SLC43A2: variants seen among roughly 807,000 people sequenced by gnomAD.
The protein encoded by SLC43A2 is solute carrier family 43 member 2.
SLC43A2 carries 38 observed loss-of-function variants against 63.2 expected under a neutral mutation model. The observed-to-expected ratio is 0.60, with a 90% CI of 0.46 to 0.79. SLC43A2 has a LOEUF of 0.79. Ranked by LOEUF, SLC43A2 falls within the 30% of genes least tolerant of loss-of-function variation. The pLI is 0.00. For missense variants in SLC43A2, 644 were observed against 756.2 expected, an observed-to-expected ratio of 0.85 and a Z score of 1.74; for synonymous variants, 322 against 331.0, an observed-to-expected ratio of 0.97 and a Z score of 0.30.
At chr17:1,584,070 G>GTAT (rs2076062344) in intron 10 of SLC43A2, among the ~76,000 whole-genome samples, 1 of 151,562 alleles carries the variant, frequency 6.6e-6, no homozygotes, top group Non-Finnish European at 1.5e-5. Context: ...TAATTTTTGC[G>GTAT]TTTTTGTAGA....
rs527875926 is a variant in SLC43A2, at chr17:1,605,446, G to A, written c.501+7749C>T. Among the ~76,000 whole-genome samples, 11 of 152,320 alleles carry A rather than the reference G, an allele frequency of 7.2e-5. No homozygotes were observed. The South Asian group carries it at 2.3e-3, about 32-fold the overall frequency. On this transcript the variant is annotated intron_variant, in intron 5 of 13. Transcript: ENST00000301335. The surrounding 1 kb of genome is among the most constrained non-coding windows in gnomAD (Gnocchi z 4.9). ...CGGACGTACGTGCCTTTTGGCCCAG[G>A]GCAGGCCATGGCATTGCTGGCAGGC...
chr17:1,600,007 G>A (rs1443279962), intron 5 of SLC43A2, among the ~76,000 whole-genome samples: 3 of 145,246 alleles, frequency 2.1e-5, no homozygotes, highest in South Asian at 2.2e-4. Flanking sequence ...TTGCGCCACT[G>A]CACTCCAGCC....
At chr17:1,581,962 A>G (rs1041836801) in intron 11 of SLC43A2, among the ~76,000 whole-genome samples, 18 of 151,396 alleles carry the variant, frequency 1.2e-4, no homozygotes, top group East Asian at 1.2e-3. Context: ...ATGTGCCACC[A>G]CGCCCAGCTA....
At chr17:1,629,131 C>T (rs928312089), upstream of SLC43A2, among the ~76,000 whole-genome samples, 2 of 152,280 alleles carry the variant, frequency 1.3e-5, no homozygotes, top group East Asian at 3.9e-4. Flanking sequence ...GCGGCCTGAC[C>T]CTGCGAGGCT....
intron 11 of SLC43A2, among the ~76,000 whole-genome samples, chr17:1,581,504 C>T (rs561734465): frequency 2.2e-3 from 334 of 152,300 alleles, no homozygotes; most frequent in Middle Eastern, 3.4e-3. Context: ...ACAGTTCCCA[C>T]GGTGGGGCAC....
chr17:1,580,927 G>A (rs2076002933), intron 11 of SLC43A2, among the ~76,000 whole-genome samples: 1 of 152,052 alleles, frequency 6.6e-6, no homozygotes, highest in Non-Finnish European at 1.5e-5. Flanking sequence ...GTAGAGACAG[G>A]GTGTCGCCAT....
chr17:1,589,936 A>G (rs1426330188), intron 9 of SLC43A2, among the ~76,000 whole-genome samples: 3 of 152,174 alleles, frequency 2.0e-5, no homozygotes, highest in Non-Finnish European at 2.9e-5. Flanking sequence ...CCATTTTCAC[A>G]GTAGAACTGG....
rs192381891 is a variant in SLC43A2 at position 1,595,235 on chromosome 17, T to A, written c.502-1956A>T. 6.8e-4 allele frequency among the ~76,000 whole-genome samples: 102 copies of A among 150,540 alleles called. 1 individual carries two copies. In the East Asian group the frequency reaches 0.016, roughly 24 times the overall value. The stretch of plus-strand genomic sequence containing the variant: ...GGCGGAGCTTGCAGTGAGCCGACAC[T>A]GCGCCACTGCACTCCAGCCTGGGTG... On this transcript the variant is annotated intron_variant, in intron 5 of 13. Coordinates refer to ENST00000301335, the MANE Select transcript of SLC43A2 (RefSeq NM_152346.3).
intron 5 of SLC43A2, among the ~76,000 whole-genome samples, chr17:1,608,405 T>A (rs75655290): frequency 6.6e-6 from 1 of 151,814 alleles, no homozygotes; most frequent in Non-Finnish European, 1.5e-5. Flanking sequence ...GTTTTGTTTT[T>A]TTTTTTAAGA....
In SLC43A2 at chr17:1,593,665, A is replaced by G. The variant is rs1905025142; in HGVS notation, c.502-386T>C. Among the ~76,000 whole-genome samples the G allele has an allele frequency of 6.6e-6, 1 of 152,140 alleles. No homozygotes were observed. The highest frequency in any genetic ancestry group is 2.1e-4 in the South Asian group (1 of 4,822). ...GAAAGCCTGTTAAAAATAAGAATCTATTTGGGGATAATAGCATCATTTTAT... is the reference window on the plus strand; with the variant it reads ...GAAAGCCTGTTAAAAATAAGAATCTGTTTGGGGATAATAGCATCATTTTAT... On this transcript the variant is annotated intron_variant, in intron 5 of 13. Coordinates refer to ENST00000301335, the MANE Select transcript of SLC43A2 (RefSeq NM_152346.3). The surrounding 1 kb of genome is among the most constrained non-coding windows in gnomAD (Gnocchi z 5.3).
In SLC43A2 at chr17:1,591,262, C is replaced by T. The variant is rs200488066; in HGVS notation, c.931+7G>A. On this transcript the variant is annotated splice_region_variant and intron_variant, in intron 8 of 13. Coordinates refer to ENST00000301335, the MANE Select transcript of SLC43A2 (RefSeq NM_152346.3). ...CCCGTCGCCCGGCTGCGGTCTCAGG[C>T]GGGTACCTGCGGCATCCGGCTGGCA... 7.3e-5 allele frequency: 117 copies of T among 1,602,110 alleles called. No individual in the cohort carries two copies. Among genetic ancestry groups the T allele is most frequent in the African/African-American group, 1.1e-4 (8 of 75,024 alleles).
At chr17:1,580,345 A>G (rs2075993299) in intron 11 of SLC43A2, among the ~76,000 whole-genome samples, 1 of 152,188 alleles carries the variant, frequency 6.6e-6, no homozygotes, top group Non-Finnish European at 1.5e-5. Context: ...AAGTCGGCAA[A>G]CACTAGAACC....
chr17:1,584,147 C>A (rs2076064442), intron 10 of SLC43A2, among the ~76,000 whole-genome samples: 1 of 152,076 alleles, frequency 6.6e-6, no homozygotes, highest in African/African-American at 2.4e-5. Flanking sequence ...CCCGCCTTGG[C>A]CTCCCAAAGT....
chr17:1,612,974 A>C (rs74326604), intron 5 of SLC43A2, among the ~76,000 whole-genome samples: 1 of 150,210 alleles, frequency 6.7e-6, no homozygotes, highest in South Asian at 2.1e-4. Flanking sequence ...TCCGTCTCAA[A>C]AAAAAAAAAA....
At chr17:1,586,928 T>TGGCCCCCCCCCCCCCCCCAACC in intron 9 of SLC43A2, 1 of 1,232,900 alleles carries the variant, frequency 8.1e-7, no homozygotes, top group Non-Finnish European at 1.1e-6. Flanking sequence ...TCCCTGACAA[T>TGGCCCCCCCCCCCCCCCCAACC]CCCCCCCACC....
Position 1,586,928 on chromosome 17 carries a change from T to TCTCCCCCCC in SLC43A2, c.1079-878_1079-877insGGGGGGGAG. The TCTCCCCCCC allele has an allele frequency of 4.9e-6, 6 of 1,232,914 alleles. No individual in the cohort carries two copies. In the Admixed American group the frequency reaches 6.7e-5, roughly 14 times the overall value. 76.4% of individuals were successfully genotyped at this position (1,232,914 alleles called of 1,614,324 possible). A position where few individuals can be genotyped will look rare whatever the true frequency, so the allele number is the denominator to read the frequency against. The stretch of plus-strand genomic sequence containing the variant: ...GGGACATCACAGCATTCCCTGACAA[T>TCTCCCCCCC]CCCCCCCACCCCCCGCTTACCCGTG... On this transcript the variant is annotated intron_variant, in intron 9 of 13. Transcript: ENST00000301335.
At chr17:1,581,202 C>CCACACA (rs376885169) in intron 11 of SLC43A2, among the ~76,000 whole-genome samples, 133 of 148,474 alleles carry the variant, frequency 9.0e-4, no homozygotes, top group Middle Eastern at 6.8e-3. Context: ...TGCCCAGTGC[C>CCACACA]CACACACACA....
intron 3 of SLC43A2, among the ~76,000 whole-genome samples, chr17:1,615,630 T>C (rs1009993674): frequency 2.0e-4 from 29 of 148,162 alleles, no homozygotes; most frequent in African/African-American, 6.9e-4. Context: ...GATCACAAGG[T>C]CAGGAGATCG....
intron 6 of SLC43A2, among the ~76,000 whole-genome samples, chr17:1,592,349 C>T (rs1264333633): frequency 1.3e-5 from 2 of 152,184 alleles, no homozygotes; most frequent in African/African-American, 4.8e-5. Context: ...ATCACTTGAA[C>T]CTGGGAGGTG....
Sources: allele counts gnomAD v4.1 joint callset (sites outside exome capture counted in the v4.1 genomes callset), GRCh38; gene constraint gnomAD v4.1.1; non-coding constraint Gnocchi (gnomAD v3.1); transcripts MANE v1.5; gene names NCBI Gene and HGNC (gene_info 2026-07-23, HGNC 2026-07-21).